The following BMP8B variants were observed in gnomAD, a reference collection of about 807,000 sequenced individuals.
The protein encoded by BMP8B is bone morphogenetic protein 8 (osteogenic protein 2).
BMP8B carries 17 observed loss-of-function variants against 30.3 expected under a neutral mutation model. The ratio of observed to expected loss-of-function variants is 0.56; its 90% confidence interval spans 0.38 to 0.84. BMP8B has a LOEUF of 0.84. BMP8B is among the 40% of genes least tolerant of loss of function. The pLI is 0.00. For synonymous variants in BMP8B, 131 were observed against 214.7 expected (o/e 0.61, Z 3.41); for missense variants, 253 against 494.6 (o/e 0.51, Z 4.63).
chr1:39,769,799 A>T, intron 3 of BMP8B: 1 of 1,613,538 alleles, frequency 6.2e-7, no homozygotes, highest in Non-Finnish European at 8.5e-7. Flanking sequence ...GCCCTCCCAG[A>T]GCTCCCTCAG....
chr1:39,776,600 C>G (rs377396765), intron 1 of BMP8B, among the ~76,000 whole-genome samples: 1 of 152,090 alleles, frequency 6.6e-6, no homozygotes, highest in African/African-American at 2.4e-5. Context: ...TGGGGCCAGA[C>G]GTGTGTGGGC....
chr1:39,769,844 G>A (rs1199701175), intron 3 of BMP8B: 1 of 1,612,570 alleles, frequency 6.2e-7, no homozygotes. Context: ...GTCAAACACG[G>A]CCTTCTCGGT....
Position 39,788,456 on chromosome 1 carries a change from G to A in BMP8B, c.30C>T (p.Leu10=), listed in dbSNP as rs1651166158. 1 of 1,029,420 alleles carries A rather than the reference G, an allele frequency of 9.7e-7. No individual in the cohort carries two copies. Among genetic ancestry groups the A allele is most frequent in the African/African-American group, 1.7e-5 (1 of 57,756 alleles). The allele number at this position is 1,029,420 out of a possible 1,614,324, so 63.8% of individuals were successfully genotyped here. A position where few individuals can be genotyped will look rare whatever the true frequency, so the allele number is the denominator to read the frequency against. ...CCAGCGCGCATAGCGCCAGGCCCAG[G>A]AGCCAGAGCGGGCCGGGGAGCGCGG... MTALPGPLW[L]LGLALCALGG... is the part of the protein sequence containing the mutation. Residue 10 remains leucine (L), a synonymous_variant, in exon 1 of 7, where the codon CTC becomes CTT. Transcript: ENST00000372827. This position sits in a 1 kb window ranked among gnomAD's most constrained non-coding sequence, Gnocchi z 5.8.
At chr1:39,760,781 C>T (rs1648852266) in intron 6 of BMP8B, among the ~76,000 whole-genome samples, 1 of 152,280 alleles carries the variant, frequency 6.6e-6, no homozygotes, top group Non-Finnish European at 1.5e-5. Context: ...CAGGGAGGGA[C>T]ACATGGCAGG....
rs766484985 is a variant in BMP8B at position 39,760,479 on chromosome 1, G to C, written c.1149C>G (p.Ser383Arg). The C allele has an allele frequency of 6.2e-7, 1 of 1,614,208 alleles. No homozygotes were observed. Among genetic ancestry groups the C allele is most frequent in the Non-Finnish European group, 8.5e-7 (1 of 1,180,036 alleles). Residue 383 changes from serine (S) to arginine (R), a missense_variant, in exon 7 of 7, where the codon AGC (serine) becomes AGG (arginine). Ser to Arg is a moderately radical substitution (Grantham distance 110). Coordinates refer to ENST00000372827, the MANE Select transcript of BMP8B (RefSeq NM_001720.5). ...GGTGCTTGCGCAGGATGACATTGTTGCTGCTGTCATAGTAGAGCACAGAGG... is the reference window on the plus strand; with the variant it reads ...GGTGCTTGCGCAGGATGACATTGTTCCTGCTGTCATAGTAGAGCACAGAGG... ...SATSVLYYDS[S>R]NNVILRKHRN...
At chr1:39,783,690 A>AGGCCAGGAGGT (rs1650805262) in intron 1 of BMP8B, among the ~76,000 whole-genome samples, 1 of 152,122 alleles carries the variant, frequency 6.6e-6, no homozygotes, top group Non-Finnish European at 1.5e-5. Flanking sequence ...GGAGGATCAG[A>AGGCCAGGAGGT]TGAGGCCAGG....
chr1:39,776,388 C>G (rs1266212390), intron 1 of BMP8B, among the ~76,000 whole-genome samples: 2 of 152,222 alleles, frequency 1.3e-5, no homozygotes, highest in East Asian at 3.8e-4. Flanking sequence ...GTGCCTTCCC[C>G]AAAACCCAGC....
At chr1:39,762,349 C>T (rs906668314) in intron 6 of BMP8B, 67 of 862,662 alleles carry the variant, frequency 7.8e-5, no homozygotes, top group Admixed American at 6.6e-5. Flanking sequence ...AAGGCATCAC[C>T]GTTGAACCTC....
chr1:39,779,142 G>A (rs1650441148), intron 1 of BMP8B, among the ~76,000 whole-genome samples: 5 of 152,194 alleles, frequency 3.3e-5, no homozygotes. Context: ...CGTCAACAAG[G>A]CCCTCCTATC....
chr1:39,784,176 C>A (rs1650833695), intron 1 of BMP8B, among the ~76,000 whole-genome samples: 1 of 152,066 alleles, frequency 6.6e-6, no homozygotes, highest in African/African-American at 2.4e-5. Flanking sequence ...TGTGAGATAC[C>A]AATGAAGGAA....
intron 3 of BMP8B, among the ~76,000 whole-genome samples, chr1:39,768,011 C>A (rs1245632591): frequency 6.6e-6 from 1 of 150,528 alleles, no homozygotes; most frequent in Non-Finnish European, 1.5e-5. Context: ...TGGGAACCCC[C>A]AGAGCTACAC....
chr1:39,766,648 C>A (rs1410411205), intron 3 of BMP8B, among the ~76,000 whole-genome samples: 1 of 141,128 alleles, frequency 7.1e-6, no homozygotes, highest in Non-Finnish European at 1.5e-5. Flanking sequence ...GCAGGAGAGG[C>A]TCCCTCCCTC....
Position 39,763,136 on chromosome 1 carries a change from C to T in BMP8B, c.1015G>A (p.Asp339Asn). ...YCEGECSFPL[D>N]SCMNATNHAI... ...TGGTTGGTGGCATTCATGCAGGAGTCCAGTGGGAAGGAGCACTCCCCCTCA... is the reference window on the plus strand; with the variant it reads ...TGGTTGGTGGCATTCATGCAGGAGTTCAGTGGGAAGGAGCACTCCCCCTCA... The change falls in exon 6 of 7, where the codon GAC (aspartate) becomes AAC (asparagine). Residue 339 changes from aspartate to asparagine, a missense_variant. Around this residue, in one of 7 missense-constraint regions of BMP8B, gnomAD observed 116 missense variants for 142.3 expected, o/e 0.81. Transcript: ENST00000372827. 3 of 1,614,018 alleles carry T rather than the reference C, an allele frequency of 1.9e-6. No individual in the cohort carries two copies. The highest frequency in any genetic ancestry group is 2.5e-6 in the Non-Finnish European group (3 of 1,179,952).
At chr1:39,769,815 G>A in intron 3 of BMP8B, 2 of 1,613,688 alleles carry the variant, frequency 1.2e-6, no homozygotes, top group Non-Finnish European at 1.7e-6. Flanking sequence ...CTCAGCGTCA[G>A]CTCTTTCTTC....
Position 39,759,269 on chromosome 1 carries a change from G to C in BMP8B, c.*1150C>G, listed in dbSNP as rs938444255. Reference sequence around the variant, plus strand: ...CTTTGACTCACAGGCCCAAGACACAGGACAGGGCTGCTGGGCATCCAGGGT... The same window carrying C: ...CTTTGACTCACAGGCCCAAGACACACGACAGGGCTGCTGGGCATCCAGGGT... On this transcript the variant is annotated 3_prime_UTR_variant, in exon 7 of 7. Transcript: ENST00000372827. The C allele has an allele frequency of 1.3e-5, 2 of 152,506 alleles. No homozygotes were observed. Among genetic ancestry groups the C allele is most frequent in the South Asian group, 2.1e-4 (1 of 4,836 alleles). 9.4% of individuals were successfully genotyped at this position (152,506 alleles called of 1,614,324 possible). A position where few individuals can be genotyped will look rare whatever the true frequency, so the allele number is the denominator to read the frequency against.
At chr1:39,777,565 C>T (rs1445138122) in intron 1 of BMP8B, among the ~76,000 whole-genome samples, 1 of 152,250 alleles carries the variant, frequency 6.6e-6, no homozygotes, top group Non-Finnish European at 1.5e-5. Context: ...AGATGCCAAA[C>T]TCTGCGACCC....
intron 3 of BMP8B, chr1:39,769,834 G>C: frequency 6.2e-7 from 1 of 1,613,116 alleles, no homozygotes; most frequent in Non-Finnish European, 8.5e-7. Context: ...TCCTGTGCAC[G>C]TCAAACACGG....
At chr1:39,782,960 A>AT (rs1196015926) in intron 1 of BMP8B, among the ~76,000 whole-genome samples, 1 of 149,226 alleles carries the variant, frequency 6.7e-6, no homozygotes, top group Non-Finnish European at 1.5e-5. Context: ...TGCCTGGCTA[A>AT]TTTTTTTTGC....
intron 5 of BMP8B, 55 bp downstream of exon 5, chr1:39,763,657 T>G (rs762836039): frequency 1.3e-6 from 2 of 1,559,460 alleles, no homozygotes; most frequent in Non-Finnish European, 1.8e-6. Context: ...GCAGATTCAC[T>G]TCTGATCTAC....
Sources: gnomAD v4.1 joint callset for allele counts (sites outside exome capture counted in the v4.1 genomes callset) on GRCh38, gnomAD v4.1.1 for gene constraint, gnomAD v4.1.1 regional missense constraint, Gnocchi (gnomAD v3.1) non-coding constraint, MANE v1.5 for transcripts, NCBI Gene and HGNC (gene_info 2026-07-23, HGNC 2026-07-21) for gene names.